Variants in DTNBP1 observed in about 807,000 individuals in gnomAD.
DTNBP1 encodes the protein dystrobrevin binding protein 1, also known as dysbindin.
Under a neutral mutation model 42.8 loss-of-function variants are expected in DTNBP1, and 35 were observed. The ratio of observed to expected loss-of-function variants is 0.82; its 90% CI spans 0.63 to 1.09. The LOEUF is 1.09. DTNBP1 is among the 50% of genes least tolerant of loss of function. DTNBP1 has a pLI of 0.00. For synonymous variants in DTNBP1, 171 were observed against 162.2 expected (o/e 1.05, Z -0.41); for missense variants, 457 against 424.2 (o/e 1.08, Z -0.68).
intron 7 of DTNBP1, among the ~76,000 whole-genome samples, chr6:15,560,017 A>C (rs1473355491): frequency 6.6e-6 from 1 of 152,148 alleles, no homozygotes; most frequent in East Asian, 1.9e-4. Flanking sequence ...TTGATTAATA[A>C]AAATGTGGGG....
rs562455859 is a variant in DTNBP1, at chr6:15,589,951, CAG to C, written c.511+3106_511+3107del. On this transcript the variant is annotated intron_variant, in intron 7 of 9. Coordinates refer to ENST00000344537, the MANE Select transcript of DTNBP1 (RefSeq NM_032122.5). Reference sequence around the variant, plus strand: ...ACTCATACACTTCTTTTTTTGGAGACAGAGTCTTACTCTGTTGCCAAGGCTGG... The same window carrying C: ...ACTCATACACTTCTTTTTTTGGAGACAGTCTTACTCTGTTGCCAAGGCTGG... Among the ~76,000 whole-genome samples the C allele has an allele frequency of 2.6e-5, 4 of 152,186 alleles. No individual in the cohort carries two copies. In the East Asian group the frequency reaches 7.7e-4, roughly 29 times the overall value.
At chr6:15,612,183 T>C (rs533313941) in intron 6 of DTNBP1, among the ~76,000 whole-genome samples, 3 of 152,320 alleles carry the variant, frequency 2.0e-5, no homozygotes, top group East Asian at 1.9e-4. Context: ...GCCATTACCA[T>C]AGAGGCAAGA....
chr6:15,553,177 C>A (rs1174645845), intron 7 of DTNBP1, among the ~76,000 whole-genome samples: 5 of 152,020 alleles, frequency 3.3e-5, no homozygotes, highest in Non-Finnish European at 7.4e-5. Context: ...GTTATATTTG[C>A]ATTTCCTTTG....
intron 7 of DTNBP1, among the ~76,000 whole-genome samples, chr6:15,558,546 TA>T (rs1165489251): frequency 2.0e-5 from 3 of 152,082 alleles, no homozygotes; most frequent in Non-Finnish European, 4.4e-5. Flanking sequence ...GGATTACAGG[TA>T]TGAGCCAACA....
At chr6:15,550,350 A>G (rs890921824) in intron 7 of DTNBP1, among the ~76,000 whole-genome samples, 1 of 152,084 alleles carries the variant, frequency 6.6e-6, no homozygotes, top group Non-Finnish European at 1.5e-5. Context: ...TGTGACAACA[A>G]AAATCTATTA....
At chr6:15,607,202 G>A (rs1758116985) in intron 6 of DTNBP1, among the ~76,000 whole-genome samples, 1 of 151,908 alleles carries the variant, frequency 6.6e-6, no homozygotes, top group Non-Finnish European at 1.5e-5. Context: ...GTGGAGACAG[G>A]GTTTCACCAT....
chr6:15,653,772 T>C (rs768372901), intron 1 of DTNBP1, among the ~76,000 whole-genome samples: 26 of 152,196 alleles, frequency 1.7e-4, no homozygotes, highest in Non-Finnish European at 2.9e-4. Flanking sequence ...ACTGAAAATA[T>C]AGGCCACAGT....
chr6:15,535,320 A>AT (rs553853828), intron 7 of DTNBP1, among the ~76,000 whole-genome samples: 15 of 151,550 alleles, frequency 9.9e-5, no homozygotes, highest in East Asian at 5.8e-4. Flanking sequence ...TAAATTACCT[A>AT]TTTTTTTTGA....
At chr6:15,558,209 T>C (rs1581319241) in intron 7 of DTNBP1, among the ~76,000 whole-genome samples, 2 of 151,956 alleles carry the variant, frequency 1.3e-5, no homozygotes, top group South Asian at 2.1e-4. Flanking sequence ...TCATCCACAA[T>C]TGTCTTGTTT....
chr6:15,585,090 T>TTCA (rs1209659472), intron 7 of DTNBP1, among the ~76,000 whole-genome samples: 2 of 130,630 alleles, frequency 1.5e-5, no homozygotes, highest in Non-Finnish European at 3.4e-5. Context: ...TATATATATA[T>TTCA]ATATATATAT....
intron 7 of DTNBP1, among the ~76,000 whole-genome samples, chr6:15,542,059 T>C (rs143031180): frequency 6.6e-6 from 1 of 152,200 alleles, no homozygotes; most frequent in African/African-American, 2.4e-5. Context: ...TTAAGAGCAT[T>C]GTTCATTAGA....
intron 7 of DTNBP1, among the ~76,000 whole-genome samples, chr6:15,555,079 G>A (rs1561956074): frequency 6.6e-6 from 1 of 151,434 alleles, no homozygotes; most frequent in Non-Finnish European, 1.5e-5. Context: ...ATCCCATCAT[G>A]GCTGTGAACT....
chr6:15,625,275 TA>T (rs1260144383), intron 5 of DTNBP1, among the ~76,000 whole-genome samples: 1 of 151,936 alleles, frequency 6.6e-6, no homozygotes, highest in Non-Finnish European at 1.5e-5. Context: ...ACATACCTTC[TA>T]AAAAAAACTG....
intron 1 of DTNBP1, among the ~76,000 whole-genome samples, chr6:15,662,597 G>C (rs977904361): frequency 6.6e-6 from 1 of 152,064 alleles, no homozygotes; most frequent in Non-Finnish European, 1.5e-5. Flanking sequence ...GTCCTGGGGG[G>C]TGCGCGTCAC....
chr6:15,618,386 G>A (rs568447765), intron 5 of DTNBP1, among the ~76,000 whole-genome samples: 8 of 152,142 alleles, frequency 5.3e-5, no homozygotes, highest in Admixed American at 2.0e-4. Context: ...GGGGGGAAGC[G>A]TGGGAAGGGA....
intron 1 of DTNBP1, among the ~76,000 whole-genome samples, chr6:15,659,621 C>T (rs867323004): frequency 2.1e-5 from 3 of 146,318 alleles, no homozygotes; most frequent in African/African-American, 5.1e-5. Context: ...GGTGTGATCT[C>T]GGCTCACTGC....
intron 7 of DTNBP1, among the ~76,000 whole-genome samples, chr6:15,535,532 G>A (rs1285860767): frequency 6.6e-6 from 1 of 152,094 alleles, no homozygotes; most frequent in African/African-American, 2.4e-5. Flanking sequence ...TGGTCAGGCT[G>A]GTCTCAAACT....
chr6:15,605,790 G>A (rs185400417), intron 6 of DTNBP1, among the ~76,000 whole-genome samples: 3 of 152,182 alleles, frequency 2.0e-5, no homozygotes, highest in East Asian at 3.9e-4. Flanking sequence ...AATTAGACTC[G>A]TATGGCTGTA....
intron 6 of DTNBP1, among the ~76,000 whole-genome samples, chr6:15,608,910 C>T (rs1258520839): frequency 6.6e-6 from 1 of 152,186 alleles, no homozygotes; most frequent in Non-Finnish European, 1.5e-5. Context: ...TCTTTCTCCA[C>T]TCATTTTGTC....
Sources: allele counts gnomAD v4.1 joint callset (sites outside exome capture counted in the v4.1 genomes callset), GRCh38; gene constraint gnomAD v4.1.1; transcripts MANE v1.5; gene names NCBI Gene and HGNC (gene_info 2026-07-23, HGNC 2026-07-21).